The following PHKB variants were observed in gnomAD, a reference collection of about 807,000 sequenced individuals.
PHKB encodes phosphorylase b kinase regulatory subunit beta.
PHKB carries 122 observed loss-of-function variants against 152.1 expected under a neutral mutation model. That is an observed-to-expected ratio of 0.80 (90% CI 0.69 to 0.93). The LOEUF (loss-of-function observed/expected upper bound fraction) is 0.93, where lower values mean the gene tolerates loss of function less well. Ranked by LOEUF, PHKB falls within the 40% of genes least tolerant of loss-of-function variation. PHKB has a pLI of 0.00. For missense variants in PHKB, 1,304 were observed against 1,328.4 expected, an observed-to-expected ratio of 0.98 and a Z score of 0.29; for synonymous variants, 436 against 464.9, an observed-to-expected ratio of 0.94 and a Z score of 0.80.
rs535447583 is a variant in PHKB at position 47,657,110 on chromosome 16, T to C, written c.1972-3396T>C. Among the ~76,000 whole-genome samples, 3 of 152,326 alleles carry C rather than the reference T, an allele frequency of 2.0e-5. No homozygotes were observed. In the East Asian group the frequency reaches 5.8e-4, roughly 29 times the overall value. The stretch of plus-strand genomic sequence containing the variant: ...CCTTCTATGACATTTTGCTTGAATG[T>C]TTGCTATGGCTCTTCTTTCATTTTA... On this transcript the variant is annotated intron_variant, in intron 20 of 30. Transcript: ENST00000323584.
At chr16:47,467,533 A>T (rs1340508828) in intron 1 of PHKB, among the ~76,000 whole-genome samples, 1 of 152,166 alleles carries the variant, frequency 6.6e-6, no homozygotes, top group African/African-American at 2.4e-5. Flanking sequence ...TGCTCGCTTC[A>T]TGTAGCATGG....
At chr16:47,462,000 G>A (rs181165545) in intron 1 of PHKB, 1 of 152,926 alleles carries the variant, frequency 6.5e-6, no homozygotes, top group Non-Finnish European at 1.5e-5. Flanking sequence ...AGAAAGAAAA[G>A]GGCTTCTTAA....
At chr16:47,466,591 G>A (rs1016302084) in intron 1 of PHKB, among the ~76,000 whole-genome samples, 2 of 152,200 alleles carry the variant, frequency 1.3e-5, no homozygotes, top group East Asian at 1.9e-4. Context: ...CAGCTGGTAA[G>A]TGAGCTTCAA....
chr16:47,540,868 C>T (rs1273260212), intron 6 of PHKB, among the ~76,000 whole-genome samples: 2 of 146,410 alleles, frequency 1.4e-5, no homozygotes, highest in Non-Finnish European at 3.0e-5. Flanking sequence ...CTCCTGTTGC[C>T]CAGGCTGGAG....
intron 7 of PHKB, among the ~76,000 whole-genome samples, chr16:47,556,620 C>T (rs560274827): frequency 1.3e-5 from 2 of 152,232 alleles, no homozygotes; most frequent in South Asian, 4.1e-4. Context: ...GGATGAAGCC[C>T]ACTTGATCAT....
At chr16:47,685,904 G>A (rs1973957006) in intron 26 of PHKB, among the ~76,000 whole-genome samples, 1 of 151,904 alleles carries the variant, frequency 6.6e-6, no homozygotes, top group Admixed American at 6.6e-5. Context: ...ACCACACCTG[G>A]CTGATTTTTT....
intron 4 of PHKB, 36 bp from the exon 5 acceptor site, chr16:47,511,629 A>G: frequency 2.9e-6 from 4 of 1,357,608 alleles, no homozygotes; most frequent in Non-Finnish European, 3.2e-6. Flanking sequence ...AAGTTTATGA[A>G]TTACTAATGT....
At chr16:47,534,146 C>G (rs538194557) in intron 6 of PHKB, among the ~76,000 whole-genome samples, 1 of 152,226 alleles carries the variant, frequency 6.6e-6, no homozygotes, top group Non-Finnish European at 1.5e-5. Flanking sequence ...GCATGCAGCC[C>G]GGGTGTACCT....
intron 1 of PHKB, among the ~76,000 whole-genome samples, chr16:47,477,783 A>G (rs1379441487): frequency 6.6e-6 from 1 of 152,142 alleles, no homozygotes; most frequent in Non-Finnish European, 1.5e-5. Context: ...TCTTTCCCTG[A>G]AGAGAAAATG....
intron 7 of PHKB, chr16:47,566,565 T>G: frequency 6.4e-7 from 1 of 1,560,908 alleles, no homozygotes; most frequent in African/African-American, 1.4e-5. Flanking sequence ...TTCTTTAATG[T>G]ACTCTTCTGT....
rs1974244459 is a variant in PHKB at position 47,701,373 on chromosome 16, A to T, written c.*2007A>T. On this transcript the variant is annotated 3_prime_UTR_variant, in exon 31 of 31. Coordinates refer to ENST00000323584, the MANE Select transcript of PHKB (RefSeq NM_000293.3). ...TTTCTGAGTGTTAGCTTCCTGCTTA[A>T]ATGTTACATATGCAAAATTCTGAAG... The T allele has an allele frequency of 6.6e-6, 1 of 152,198 alleles. No individual in the cohort carries two copies. Among genetic ancestry groups the T allele is most frequent in the African/African-American group, 2.4e-5 (1 of 41,448 alleles). 9.4% of individuals were successfully genotyped at this position (152,198 alleles called of 1,614,324 possible).
chr16:47,468,322 T>C (rs1969704879), intron 1 of PHKB, among the ~76,000 whole-genome samples: 1 of 152,232 alleles, frequency 6.6e-6, no homozygotes, highest in Admixed American at 6.5e-5. Context: ...CTCATGTCAC[T>C]TTCCTGCTTA....
At chr16:47,547,353 G>A in intron 6 of PHKB, 80 bp from the exon 7 acceptor site, 1 of 833,972 alleles carries the variant, frequency 1.2e-6, no homozygotes, top group Non-Finnish European at 2.0e-6. Flanking sequence ...AAATTGCTGG[G>A]ATTACAGGCA....
intron 4 of PHKB, among the ~76,000 whole-genome samples, chr16:47,509,264 T>C (rs974050798): frequency 1.3e-5 from 2 of 152,348 alleles, no homozygotes; most frequent in Non-Finnish European, 1.5e-5. Context: ...GTTTCAGATA[T>C]TGAGAAGGGA....
chr16:47,543,249 A>G (rs928340971), intron 6 of PHKB, among the ~76,000 whole-genome samples: 17 of 152,122 alleles, frequency 1.1e-4, no homozygotes, highest in East Asian at 1.9e-4. Flanking sequence ...TTCTGCATCT[A>G]TTGAGATAAT....
intron 14 of PHKB, among the ~76,000 whole-genome samples, chr16:47,639,062 CCCAGGAGTTCAAG>C (rs1415094219): frequency 1.4e-4 from 22 of 152,024 alleles, no homozygotes; most frequent in African/African-American, 4.6e-4. Flanking sequence ...ATCGCTTGAG[CCCAGGAGTTCAAG>C]ACCAGTCTTG....
At chr16:47,488,519 A>G (rs892091656) in intron 1 of PHKB, among the ~76,000 whole-genome samples, 2 of 152,132 alleles carry the variant, frequency 1.3e-5, no homozygotes, top group African/African-American at 2.4e-5. Flanking sequence ...AATCTTTGCC[A>G]TGGCCTATGT....
rs377636370 is a variant in PHKB, at chr16:47,699,415, T to C, written c.*49T>C. Reference sequence around the variant, plus strand: ...TTGAGACACATGTTCTGAAGTGTGTTGTGTTTCATGTTCAAGCTTAATCAA... The same window carrying C: ...TTGAGACACATGTTCTGAAGTGTGTCGTGTTTCATGTTCAAGCTTAATCAA... On this transcript the variant is annotated 3_prime_UTR_variant, in exon 31 of 31. Coordinates refer to ENST00000323584, the MANE Select transcript of PHKB (RefSeq NM_000293.3). 27 of 1,603,378 alleles carry C rather than the reference T, an allele frequency of 1.7e-5. No homozygotes were observed. Among genetic ancestry groups the C allele is most frequent in the Non-Finnish European group, 2.1e-5 (25 of 1,170,344 alleles).
intron 4 of PHKB, among the ~76,000 whole-genome samples, chr16:47,508,892 C>G (rs1048334206): frequency 6.6e-6 from 1 of 152,080 alleles, no homozygotes; most frequent in African/African-American, 2.4e-5. Flanking sequence ...TTTTAAATTA[C>G]TTGTCTTTTA....
Sources: allele counts gnomAD v4.1 joint callset (sites outside exome capture counted in the v4.1 genomes callset), GRCh38; gene constraint gnomAD v4.1.1; transcripts MANE v1.5; gene names NCBI Gene and HGNC (gene_info 2026-07-23, HGNC 2026-07-21).